XPNPEP2: variants seen among roughly 807,000 people sequenced by gnomAD.
The protein encoded by XPNPEP2 is xaa-Pro aminopeptidase 2.
Under a neutral mutation model 59.8 loss-of-function variants are expected in XPNPEP2, and 64 were observed. That is an observed-to-expected ratio of 1.07 (90% CI 0.87 to 1.32). The LOEUF is 1.32. Ranked by LOEUF, XPNPEP2 falls within the 40% of genes most tolerant of loss-of-function variation. XPNPEP2 has a pLI of 0.00. For missense variants in XPNPEP2, 575 were observed against 546.8 expected (o/e 1.05, Z -0.51); for synonymous variants, 235 against 210.0 (o/e 1.12, Z -1.03).
At chrX:129,764,649 C>G (rs1926714779) in intron 19 of XPNPEP2, among the ~76,000 whole-genome samples, 1 of 81,232 alleles carries the variant, frequency 1.2e-5, no homozygotes, top group South Asian at 6.6e-4. Context: ...GAGCAAAACT[C>G]TGTCTCAAAA....
rs1340755921 is a variant in XPNPEP2 at position 129,768,521 on chromosome X, T to TG, written c.*42dup. On this transcript the variant is annotated 3_prime_UTR_variant, in exon 21 of 21. Coordinates refer to ENST00000371106, the MANE Select transcript of XPNPEP2 (RefSeq NM_003399.6). ...CTCTCCTGTTAACCCTCCATCTAGA[T>TG]GGGGGGCTCCCTTGCTTAGCTCCCC... 4 of 1,104,080 alleles carry TG rather than the reference T, an allele frequency of 3.6e-6. No individual in the cohort carries two copies. Among genetic ancestry groups the TG allele is most frequent in the African/African-American group, 1.9e-5 (1 of 53,270 alleles). 91.0% of individuals were successfully genotyped at this position (1,104,080 alleles called of 1,213,427 possible). A position where few individuals can be genotyped will look rare whatever the true frequency, so the allele number is the denominator to read the frequency against.
intron 4 of XPNPEP2, among the ~76,000 whole-genome samples, chrX:129,745,816 C>T (rs188712688): frequency 8.9e-6 from 1 of 111,792 alleles, no homozygotes; most frequent in African/African-American, 3.2e-5. Context: ...CTTCAAACTA[C>T]CCTGCCTCGT....
chrX:129,769,294 C>T lies in XPNPEP2; in HGVS notation c.*809C>T, dbSNP rs2124057717. The T allele has an allele frequency of 8.9e-6, 1 of 112,418 alleles. No individual in the cohort carries two copies. The highest frequency in any genetic ancestry group is 3.7e-4 in the South Asian group (1 of 2,738). The allele number at this position is 112,418 out of a possible 1,213,427, so 9.3% of individuals were successfully genotyped here. Reference sequence around the variant, plus strand: ...CCATTTTACAGACAGGAAAACTGAGCTTCAGACAGGGGGTGGGCTTTGCCT... The same window carrying T: ...CCATTTTACAGACAGGAAAACTGAGTTTCAGACAGGGGGTGGGCTTTGCCT... On this transcript the variant is annotated 3_prime_UTR_variant, in exon 21 of 21. Coordinates refer to ENST00000371106, the MANE Select transcript of XPNPEP2 (RefSeq NM_003399.6).
chrX:129,761,904 A>T lies in XPNPEP2; in HGVS notation c.1604-102A>T, dbSNP rs948508220. On this transcript the variant is annotated intron_variant, in intron 17 of 20. Transcript: ENST00000371106. ...ATGTGATGGACCTGTGCTCATAGAG[A>T]TGCTCTGGGATCCTCACTTATCTGC... is the stretch of plus-strand genomic sequence containing the variant. The T allele has an allele frequency of 1.5e-5, 12 of 805,549 alleles. No individual in the cohort carries two copies. In the African/African-American group the frequency reaches 2.0e-4, roughly 14 times the overall value. The allele number at this position is 805,549 out of a possible 1,213,427, so 66.4% of individuals were successfully genotyped here. A position where few individuals can be genotyped will look rare whatever the true frequency, so the allele number is the denominator to read the frequency against.
chrX:129,750,600 G>T, intron 8 of XPNPEP2, 31 bp downstream of exon 8: 2 of 1,124,035 alleles, frequency 1.8e-6, no homozygotes, highest in Non-Finnish European at 2.4e-6. Context: ...ATGGGTGGGC[G>T]CCTGGGTCTC....
At position 129,760,525 on chromosome X, in the gene XPNPEP2, G is replaced by T; in HGVS notation, c.1442G>T (p.Arg481Leu). Reference sequence around the variant, plus strand: ...TCTCCCCATCAGGAGGCATACACCCGTGTGCTGATAGGAAATATTGACCTG... The same window carrying T: ...TCTCCCCATCAGGAGGCATACACCCTTGTGCTGATAGGAAATATTGACCTG... ...PSAFQKEAYTRVLIGNIDLSR... is the reference protein window; with the variant it reads ...PSAFQKEAYTLVLIGNIDLSR... Residue 481 changes from arginine (R) to leucine (L), a missense_variant, in exon 16 of 21, where the codon CGT (arginine) becomes CTT (leucine). Arg to Leu is a moderately radical substitution (Grantham distance 102). Transcript: ENST00000371106. 8.3e-7 allele frequency: 1 copy of T among 1,211,524 alleles called. No individual in the cohort carries two copies. The highest frequency in any genetic ancestry group is 1.1e-6 in the Non-Finnish European group (1 of 895,291).
intron 15 of XPNPEP2, 44 bp from the exon 16 acceptor site, chrX:129,760,468 C>T: frequency 8.5e-7 from 1 of 1,179,381 alleles, no homozygotes; most frequent in Non-Finnish European, 1.2e-6. Context: ...ACTCCTCTGG[C>T]TCCTCCTCCC....
In XPNPEP2 at chrX:129,767,264, A is replaced by G. The variant is rs747870997; in HGVS notation, c.1741-339A>G. 3.6e-5 allele frequency among the ~76,000 whole-genome samples: 4 copies of G among 112,436 alleles called. No individual in the cohort carries two copies. The East Asian group carries it at 1.1e-3, about 31-fold the overall frequency. On this transcript the variant is annotated intron_variant, in intron 19 of 20. Transcript: ENST00000371106. ...AATTTAGATTTCTGGGCCCTGCCCT[A>G]AGGATTCTGCCTCCAGTAGGTTTGG...
intron 19 of XPNPEP2, among the ~76,000 whole-genome samples, chrX:129,765,464 A>G (rs946324560): frequency 9.0e-6 from 1 of 111,201 alleles, no homozygotes; most frequent in African/African-American, 3.3e-5. Context: ...ACTGCCCTCC[A>G]GAAAGGTTGC....
At chrX:129,767,475 G>A in intron 19 of XPNPEP2, 128 bp from the exon 20 acceptor site, 1 of 623,372 alleles carries the variant, frequency 1.6e-6, no homozygotes, top group Non-Finnish European at 2.6e-6. Context: ...GGCCTAGCCA[G>A]GGTGTCCAGG....
At chrX:129,757,875 G>GAA (rs1468036156) in intron 14 of XPNPEP2, among the ~76,000 whole-genome samples, 2 of 60,423 alleles carry the variant, frequency 3.3e-5, no homozygotes, top group African/African-American at 8.5e-5. Flanking sequence ...GAGAGAGAAA[G>GAA]AGAGAGAGAG....
intron 2 of XPNPEP2, 112 bp from the exon 3 acceptor site, chrX:129,743,849 C>T (rs1331914878): frequency 1.5e-6 from 1 of 677,307 alleles, no homozygotes. Flanking sequence ...CCAACCGCTG[C>T]TTCAGGAGAG....
At chrX:129,743,411 C>T (rs1286824187) in intron 2 of XPNPEP2, among the ~76,000 whole-genome samples, 1 of 111,530 alleles carries the variant, frequency 9.0e-6, no homozygotes, top group Non-Finnish European at 1.9e-5. Context: ...GGGAAGGTTG[C>T]CAGATAAAAT....
At chrX:129,741,408 A>G (rs747689753) in intron 1 of XPNPEP2, among the ~76,000 whole-genome samples, 3 of 112,421 alleles carry the variant, frequency 2.7e-5, no homozygotes, top group African/African-American at 6.5e-5. Context: ...TACCAAATCT[A>G]TCTGGGCCTT....
chrX:129,767,815 C>T lies in XPNPEP2; in HGVS notation c.1830+123C>T, dbSNP rs746533346. ...GGTCCACACTGGTGGCACCTGCAGA[C>T]ACACACTGGGGCATTCCTCCCCAGC... On this transcript the variant is annotated intron_variant, in intron 20 of 20. Transcript: ENST00000371106. 5 of 699,977 alleles carry T rather than the reference C, an allele frequency of 7.1e-6. No individual in the cohort carries two copies. The African/African-American group carries it at 8.5e-5, about 12-fold the overall frequency. 57.7% of individuals were successfully genotyped at this position (699,977 alleles called of 1,213,427 possible). A position where few individuals can be genotyped will look rare whatever the true frequency, so the allele number is the denominator to read the frequency against.
At position 129,742,165 on chromosome X, in the gene XPNPEP2, G is replaced by GCCTGA. The variant is rs754769185; in HGVS notation, c.107_108insCCTGA (p.Ser37LeufsTer44). On this transcript the variant is annotated frameshift_variant, in exon 2 of 21. Coordinates refer to ENST00000371106, the MANE Select transcript of XPNPEP2 (RefSeq NM_003399.6). LOFTEE classifies it high-confidence loss of function. ...CTTGGAGGGCAGGATGTGAGAAACT[G>GCCTGA]TTCCACCAACCCCCCTGTGAGTGCC... is the stretch of plus-strand genomic sequence containing the variant. The GCCTGA allele has an allele frequency of 3.3e-6, 4 of 1,206,058 alleles. No homozygotes were observed. The highest frequency in any genetic ancestry group is 4.5e-6 in the Non-Finnish European group (4 of 892,346).
At chrX:129,747,799 G>T in intron 7 of XPNPEP2, 46 bp downstream of exon 7, 1 of 1,209,981 alleles carries the variant, frequency 8.3e-7, no homozygotes, top group Non-Finnish European at 1.1e-6. Flanking sequence ...AGCAACGCAG[G>T]TCCCGGCTGC....
intron 19 of XPNPEP2, among the ~76,000 whole-genome samples, chrX:129,765,109 C>G (rs1926725070): frequency 8.9e-6 from 1 of 112,224 alleles, no homozygotes; most frequent in African/African-American, 3.2e-5. Context: ...AAAATGGATT[C>G]TACTGTACAT....
intron 3 of XPNPEP2, 70 bp from the exon 4 acceptor site, chrX:129,745,133 T>G: frequency 8.8e-7 from 1 of 1,142,495 alleles, no homozygotes; most frequent in Non-Finnish European, 1.2e-6. Context: ...AACTGGGATG[T>G]GGTTGGGGGC....
Sources: gnomAD v4.1 joint callset for allele counts (sites outside exome capture counted in the v4.1 genomes callset) on GRCh38, gnomAD v4.1.1 for gene constraint, MANE v1.5 for transcripts, NCBI Gene and HGNC (gene_info 2026-07-23, HGNC 2026-07-21) for gene names.